The following PFKFB4 variants were observed in gnomAD, a reference collection of about 807,000 sequenced individuals.
PFKFB4 encodes 6-phosphofructo-2-kinase/fructose-2,6-bisphosphatase 4.
Under a neutral mutation model 62.8 loss-of-function variants are expected in PFKFB4, and 42 were observed. The ratio of observed to expected loss-of-function variants is 0.67; its 90% confidence interval spans 0.52 to 0.86. The LOEUF (loss-of-function observed/expected upper bound fraction) is 0.86. Among genes scored for constraint, PFKFB4 ranks in the 40% least tolerant of loss-of-function variants. The pLI is 0.00. For synonymous variants in PFKFB4, 204 were observed against 240.7 expected (o/e 0.85, Z 1.41); for missense variants, 475 against 627.2 (o/e 0.76, Z 2.59).
At chr3:48,536,061 G>A (rs1298259927) in intron 8 of PFKFB4, among the ~76,000 whole-genome samples, 195 bp downstream of exon 8, 1 of 152,246 alleles carries the variant, frequency 6.6e-6, no homozygotes, top group Non-Finnish European at 1.5e-5. Context: ...GGAAACCAGA[G>A]ATCCAGGCAT....
intron 4 of PFKFB4, among the ~76,000 whole-genome samples, chr3:48,540,636 G>C (rs2042771016): frequency 6.6e-6 from 1 of 152,116 alleles, no homozygotes; most frequent in Non-Finnish European, 1.5e-5. Context: ...TTGAGACAGG[G>C]TCTCACTCTG....
In PFKFB4 at chr3:48,521,216, G is replaced by A. The variant is rs1341962640; in HGVS notation, c.1350+770C>T. ...GCAGGCCCCATCATGGATGGCAAGA[G>A]GCATGACTGAGGCCCAAGAGCCTTC... On this transcript the variant is annotated intron_variant, in intron 13 of 13. Coordinates refer to ENST00000232375, the MANE Select transcript of PFKFB4 (RefSeq NM_004567.4). This position sits in a 1 kb window ranked among gnomAD's most constrained non-coding sequence, Gnocchi z 5.3. 6.6e-5 allele frequency among the ~76,000 whole-genome samples: 10 copies of A among 152,184 alleles called. No homozygotes were observed. Among genetic ancestry groups the A allele is most frequent in the Admixed American group, 5.9e-4 (9 of 15,282 alleles).
intron 3 of PFKFB4, among the ~76,000 whole-genome samples, chr3:48,547,232 T>G (rs966878130): frequency 6.6e-6 from 1 of 152,146 alleles, no homozygotes; most frequent in African/African-American, 2.4e-5. Flanking sequence ...GCCCAAGTAT[T>G]TATATGTGTA....
chr3:48,521,926 C>T lies in PFKFB4; in HGVS notation c.1350+60G>A. 1 of 1,366,724 alleles carries T rather than the reference C, an allele frequency of 7.3e-7. No homozygotes were observed. The highest frequency in any genetic ancestry group is 1.7e-5 in the Admixed American group (1 of 59,618). 84.7% of individuals were successfully genotyped at this position (1,366,724 alleles called of 1,614,324 possible). ...GCTGGGCCTGGCCCTGGAGGATGTG[C>T]AGTCTGGACACCCCCACATCAGGAA... On this transcript the variant is annotated intron_variant, in intron 13 of 13. Coordinates refer to ENST00000232375, the MANE Select transcript of PFKFB4 (RefSeq NM_004567.4). The surrounding 1 kb of genome is among the most constrained non-coding windows in gnomAD (Gnocchi z 5.3).
chr3:48,530,531 A>G (rs989866018), intron 9 of PFKFB4, among the ~76,000 whole-genome samples: 3 of 152,184 alleles, frequency 2.0e-5, no homozygotes, highest in African/African-American at 4.8e-5. Context: ...AAAAAAGATC[A>G]TATCTACACA....
At chr3:48,553,463 G>C (rs1316195513) in intron 1 of PFKFB4, among the ~76,000 whole-genome samples, 1 of 151,334 alleles carries the variant, frequency 6.6e-6, no homozygotes, top group Non-Finnish European at 1.5e-5. Flanking sequence ...GACAAAGCAA[G>C]ACTGTCTCCA....
intron 9 of PFKFB4, among the ~76,000 whole-genome samples, chr3:48,531,848 G>A (rs543320966): frequency 6.6e-6 from 1 of 151,996 alleles, no homozygotes; most frequent in South Asian, 2.1e-4. Context: ...TCAAAACCAA[G>A]ATGCAATACC....
At chr3:48,542,138 A>C (rs1420518204) in intron 4 of PFKFB4, among the ~76,000 whole-genome samples, 1 of 152,048 alleles carries the variant, frequency 6.6e-6, no homozygotes, top group Non-Finnish European at 1.5e-5. Flanking sequence ...CGAGGTCAGG[A>C]GATCGAGACC....
upstream of PFKFB4, chr3:48,561,143 GC>G (rs1362802514): frequency 4.0e-6 from 5 of 1,242,768 alleles, no homozygotes; most frequent in Non-Finnish European, 5.2e-6. This position sits in a 1 kb window ranked among gnomAD's most constrained non-coding sequence, Gnocchi z 5.2. Flanking sequence ...CAGGGCCACT[GC>G]CCCCTGCAGC....
chr3:48,540,244 A>G (rs2042758127), intron 4 of PFKFB4, among the ~76,000 whole-genome samples: 1 of 152,248 alleles, frequency 6.6e-6, no homozygotes, highest in Admixed American at 6.5e-5. Flanking sequence ...CAGGAGATGG[A>G]GACATCAACA....
rs562846367 is a variant in PFKFB4 at position 48,553,068 on chromosome 3, A to G, written c.98-2834T>C. On this transcript the variant is annotated intron_variant, in intron 1 of 13. Coordinates refer to ENST00000232375, the MANE Select transcript of PFKFB4 (RefSeq NM_004567.4). ...CCAACTGAGGCACAACAAGGAGGGA[A>G]CACATTGCAGCTCTCAAAACAGAGC... is the stretch of plus-strand genomic sequence containing the variant. Among the ~76,000 whole-genome samples the G allele has an allele frequency of 3.3e-5, 5 of 152,336 alleles. No homozygotes were observed. In the South Asian group the frequency reaches 8.3e-4, roughly 25 times the overall value.
intron 1 of PFKFB4, among the ~76,000 whole-genome samples, chr3:48,551,526 T>C (rs2043154660): frequency 9.6e-6 from 1 of 103,642 alleles, no homozygotes; most frequent in African/African-American, 3.9e-5. Flanking sequence ...CTTCTTTTTT[T>C]TTTTTTTTTT....
chr3:48,561,248 G>A (rs1405494643), upstream of PFKFB4: 3 of 345,730 alleles, frequency 8.7e-6, no homozygotes, highest in Non-Finnish European at 1.0e-5. This position sits in a 1 kb window ranked among gnomAD's most constrained non-coding sequence, Gnocchi z 5.2. Flanking sequence ...CTGTAGGCCC[G>A]CCCCCACAGG....
At chr3:48,554,246 G>A (rs1044290656) in intron 1 of PFKFB4, among the ~76,000 whole-genome samples, 1 of 152,222 alleles carries the variant, frequency 6.6e-6, no homozygotes, top group African/African-American at 2.4e-5. Context: ...TCCGGGTCCA[G>A]ACTGTCCTTG....
chr3:48,519,569 G>A lies in PFKFB4; in HGVS notation c.*178C>T, dbSNP rs983982713. 27 of 590,294 alleles carry A rather than the reference G, an allele frequency of 4.6e-5. 1 individual carries two copies. The highest frequency in any genetic ancestry group is 8.2e-5 in the South Asian group (4 of 48,956). 36.6% of individuals were successfully genotyped at this position (590,294 alleles called of 1,614,324 possible). ...GTCAGGAGCCACGCACAACCTTGTC[G>A]CCGACTGTCAACAAAGAGCCAGGTG... On this transcript the variant is annotated 3_prime_UTR_variant, in exon 14 of 14. Transcript: ENST00000232375.
chr3:48,538,655 G>T, intron 6 of PFKFB4, 36 bp from the exon 7 acceptor site: 2 of 1,613,498 alleles, frequency 1.2e-6, no homozygotes, highest in African/African-American at 1.3e-5. Context: ...GACATATCAG[G>T]GTCAGGAGCC....
chr3:48,520,867 A>G (rs73831579), intron 13 of PFKFB4, among the ~76,000 whole-genome samples: 3,631 of 152,186 alleles, frequency 0.024, 160 homozygotes, highest in African/African-American at 0.083. Flanking sequence ...CACCCTGCCA[A>G]CCCAGGGGCC....
At chr3:48,551,279 G>C (rs1230958810) in intron 1 of PFKFB4, among the ~76,000 whole-genome samples, 2 of 149,232 alleles carry the variant, frequency 1.3e-5, no homozygotes, top group South Asian at 2.1e-4. Flanking sequence ...GCAGTGGTGC[G>C]ATCTTGGCTC....
chr3:48,538,878 G>A (rs911645510), intron 6 of PFKFB4, among the ~76,000 whole-genome samples: 3 of 152,138 alleles, frequency 2.0e-5, no homozygotes, highest in Admixed American at 6.6e-5. Flanking sequence ...CCTGGAGGCC[G>A]TTCCCCACCC....
Sources: allele counts gnomAD v4.1 joint callset (sites outside exome capture counted in the v4.1 genomes callset), GRCh38; gene constraint gnomAD v4.1.1; non-coding constraint Gnocchi (gnomAD v3.1); transcripts MANE v1.5; gene names NCBI Gene and HGNC (gene_info 2026-07-23, HGNC 2026-07-21).